SSU72L3: variants seen among roughly 807,000 people sequenced by gnomAD.
The protein encoded by SSU72L3 is RNA polymerase II subunit A C-terminal domain phosphatase SSU72 like protein 3.
At chr11:4,330,823 T>C in the SSU72L3 span, among the ~76,000 whole-genome samples, 1 of 152,128 alleles carries the variant, frequency 6.6e-6, no homozygotes, top group Non-Finnish European at 1.5e-5. Context: ...ATAAATAACA[T>C]TGTATAGATA....
the SSU72L3 span, chr11:4,329,964 C>T: frequency 1.4e-4 from 106 of 749,048 alleles, 2 homozygotes; most frequent in South Asian, 1.4e-3. Flanking sequence ...GCTAAGTGTC[C>T]GGTCTTTTGG....
At chr11:4,330,645 C>T in the SSU72L3 span, among the ~76,000 whole-genome samples, 1 of 152,090 alleles carries the variant, frequency 6.6e-6, no homozygotes, top group Non-Finnish European at 1.5e-5. Context: ...TTTTTAAAAG[C>T]ACTGAAAAAT....
the SSU72L3 span, among the ~76,000 whole-genome samples, chr11:4,330,808 A>C: frequency 2.1e-4 from 32 of 151,674 alleles, no homozygotes; most frequent in African/African-American, 7.3e-4. Context: ...AAGGGTATTC[A>C]GCAGATAAAT....
chr11:4,330,441 T>G, the SSU72L3 span: 2 of 636,640 alleles, frequency 3.1e-6, no homozygotes, highest in Admixed American at 2.7e-5. Context: ...CACCGTCTGC[T>G]TCTACTGAAC....
the SSU72L3 span, chr11:4,330,548 A>C: frequency 1.7e-6 from 1 of 587,772 alleles, no homozygotes; most frequent in Non-Finnish European, 3.0e-6. Context: ...CCTTCCACTG[A>C]GTACTGTTTG....
the SSU72L3 span, chr11:4,330,205 G>A: frequency 1.4e-6 from 1 of 737,704 alleles, no homozygotes; most frequent in Non-Finnish European, 2.5e-6. Flanking sequence ...TGTGAGGAGA[G>A]TGTCTATGAC....
chr11:4,330,391 T>A, the SSU72L3 span: 1 of 756,174 alleles, frequency 1.3e-6, no homozygotes, highest in Non-Finnish European at 2.4e-6. Context: ...GAGGAGCTGC[T>A]GTTGCAAATG....
At chr11:4,330,765 C>G in the SSU72L3 span, among the ~76,000 whole-genome samples, 2 of 152,164 alleles carry the variant, frequency 1.3e-5, no homozygotes, top group African/African-American at 4.8e-5. Flanking sequence ...GCAAACCGAG[C>G]TGATAATGGA....
chr11:4,329,900 C>T, the SSU72L3 span: 23 of 728,880 alleles, frequency 3.2e-5, no homozygotes, highest in African/African-American at 1.2e-4. Context: ...CTGTGGTGTG[C>T]GTGAGCAATG....
chr11:4,330,336 A>G, the SSU72L3 span: 2 of 760,810 alleles, frequency 2.6e-6, no homozygotes, highest in Non-Finnish European at 4.8e-6. Context: ...CATCTGTGAG[A>G]TTTGCCAGTG....
At chr11:4,329,906 C>G in the SSU72L3 span, 1 of 729,176 alleles carries the variant, frequency 1.4e-6, no homozygotes, top group East Asian at 2.5e-5. Context: ...TGTGCGTGAG[C>G]AATGTCAACA....
At chr11:4,330,040 C>T in the SSU72L3 span, 2 of 776,490 alleles carry the variant, frequency 2.6e-6, no homozygotes, top group East Asian at 4.9e-5. Context: ...GATTTTGCAA[C>T]AACATATAAG....
At chr11:4,330,789 G>A in the SSU72L3 span, among the ~76,000 whole-genome samples, 4 of 152,244 alleles carry the variant, frequency 2.6e-5, no homozygotes, top group East Asian at 7.8e-4. Flanking sequence ...CTGGAAAAAT[G>A]ATTTGTTTAA....
the SSU72L3 span, chr11:4,330,575 A>T: frequency 8.9e-6 from 5 of 560,688 alleles, no homozygotes; most frequent in African/African-American, 3.8e-5. Context: ...TTTTGTACAC[A>T]TCACCTGGAA....
the SSU72L3 span, chr11:4,329,838 T>A: frequency 1.1e-4 from 74 of 663,226 alleles, no homozygotes; most frequent in Middle Eastern, 1.7e-3. Context: ...GGTGCCTGTG[T>A]CTCTCTGGTT....
At chr11:4,330,856 T>A in the SSU72L3 span, among the ~76,000 whole-genome samples, 1 of 152,078 alleles carries the variant, frequency 6.6e-6, no homozygotes, top group Non-Finnish European at 1.5e-5. Context: ...ATAAACTTCC[T>A]TTTCTCAATT....
chr11:4,329,936 C>T, the SSU72L3 span: 252 of 732,576 alleles, frequency 3.4e-4, 1 homozygote, highest in Middle Eastern at 7.2e-4. Context: ...AGGCCCACAG[C>T]ATCCTCAGGA....
At chr11:4,330,458 G>T in the SSU72L3 span, 1 of 621,150 alleles carries the variant, frequency 1.6e-6, no homozygotes, top group South Asian at 1.9e-5. Flanking sequence ...GAACATCTGG[G>T]CTGGCTTTGT....
chr11:4,329,818 C>A, the SSU72L3 span: 2 of 630,962 alleles, frequency 3.2e-6, no homozygotes, highest in Non-Finnish European at 5.7e-6. Context: ...CGAGTCCCTG[C>A]AGCAACTGAG....
Sources: allele counts gnomAD v4.1 joint callset (sites outside exome capture counted in the v4.1 genomes callset), GRCh38; gene constraint gnomAD v4.1.1; transcripts MANE v1.5; gene names NCBI Gene and HGNC (gene_info 2026-07-23, HGNC 2026-07-21).